Variants in CAMK1D observed in about 807,000 individuals in gnomAD.
The protein encoded by CAMK1D is calcium/calmodulin-dependent protein kinase type 1D.
In CAMK1D, 9 loss-of-function variants were observed where a neutral mutation model predicts 47.7. The observed-to-expected ratio is 0.19, with a 90% CI of 0.11 to 0.33. The LOEUF (loss-of-function observed/expected upper bound fraction) is 0.33, where lower values mean the gene tolerates loss of function less well. Among genes scored for constraint, CAMK1D ranks in the 10% least tolerant of loss-of-function variants. The probability of loss-of-function intolerance (pLI) is 1.00; values close to 1 mark genes in which losing one functional copy is unlikely to be tolerated. For missense variants in CAMK1D, 291 were observed against 488.7 expected, an observed-to-expected ratio of 0.60 and a Z score of 3.81; for synonymous variants, 184 against 184.9, an observed-to-expected ratio of 0.99 and a Z score of 0.04.
At chr10:12,693,805 C>G (rs1192221854) in intron 3 of CAMK1D, among the ~76,000 whole-genome samples, 3 of 145,786 alleles carry the variant, frequency 2.1e-5, no homozygotes. Flanking sequence ...TTCACTTGAG[C>G]TCAGGAATTG....
At chr10:12,659,775 A>T (rs758405485) in intron 2 of CAMK1D, among the ~76,000 whole-genome samples, 1 of 152,218 alleles carries the variant, frequency 6.6e-6, no homozygotes, top group Non-Finnish European at 1.5e-5. Flanking sequence ...TTTTGTGTGA[A>T]TAAAATTTCA....
chr10:12,708,937 G>A lies in CAMK1D; in HGVS notation c.299+42127G>A, dbSNP rs1035185670. On this transcript the variant is annotated intron_variant, in intron 3 of 10. Transcript: ENST00000619168. Reference sequence around the variant, plus strand: ...TTGAAGTCAGTGAGCCACCACGCCCGACCCGGAGTTGCATCTCTTAACGGC... The same window carrying A: ...TTGAAGTCAGTGAGCCACCACGCCCAACCCGGAGTTGCATCTCTTAACGGC... Among the ~76,000 whole-genome samples the A allele has an allele frequency of 3.3e-5, 5 of 152,202 alleles. No individual in the cohort carries two copies. The South Asian group carries it at 8.3e-4, about 25-fold the overall frequency.
At chr10:12,736,570 A>G (rs1470963537) in intron 3 of CAMK1D, among the ~76,000 whole-genome samples, 6 of 152,212 alleles carry the variant, frequency 3.9e-5, no homozygotes, top group Admixed American at 2.6e-4. Flanking sequence ...AAATATTTCA[A>G]TACAAAACCC....
chr10:12,596,393 T>A (rs975600372), intron 2 of CAMK1D, among the ~76,000 whole-genome samples: 8 of 152,084 alleles, frequency 5.3e-5, no homozygotes, highest in African/African-American at 1.9e-4. Context: ...TGTGATCTGG[T>A]GGGAGGTCCC....
At chr10:12,655,922 CAA>C (rs1206132804) in intron 2 of CAMK1D, among the ~76,000 whole-genome samples, 1 of 152,240 alleles carries the variant, frequency 6.6e-6, no homozygotes, top group African/African-American at 2.4e-5. Flanking sequence ...TTCTGTGTAG[CAA>C]AGACTATTCC....
chr10:12,823,142 C>T (rs1037473517), intron 8 of CAMK1D, among the ~76,000 whole-genome samples: 1 of 152,136 alleles, frequency 6.6e-6, no homozygotes, highest in Non-Finnish European at 1.5e-5. Context: ...ATGCCTGAGC[C>T]GTGTTCCTTT....
intron 1 of CAMK1D, among the ~76,000 whole-genome samples, chr10:12,438,936 T>C (rs192918617): frequency 4.4e-4 from 67 of 152,368 alleles, no homozygotes; most frequent in Middle Eastern, 6.8e-3. Context: ...AAGAAAGACT[T>C]AATATTTCTA....
Position 12,743,355 on chromosome 10 carries a change from A to AAAAAAAAAAAAAAAAAAG in CAMK1D, c.300-17589_300-17588insAAAAAAAAAAAAAGAAAA, listed in dbSNP as rs1461631779. 4.1e-4 allele frequency among the ~76,000 whole-genome samples: 48 copies of AAAAAAAAAAAAAAAAAAG among 118,186 alleles called. 1 individual carries two copies. The highest frequency in any genetic ancestry group is 1.1e-3 in the African/African-American group (39 of 35,330). The allele number at this position is 118,186 out of a possible 152,430, so 77.5% of individuals were successfully genotyped here. ...GGGTAAGACCCTGTCTCAAAAAAAA[A>AAAAAAAAAAAAAAAAAAG]AAAAGAAAAAAGAAAAAAAGAAAAA... On this transcript the variant is annotated intron_variant, in intron 3 of 10. Transcript: ENST00000619168.
intron 5 of CAMK1D, 25 bp from the exon 6 acceptor site, chr10:12,791,133 G>A (rs1837961245): frequency 6.2e-7 from 1 of 1,611,838 alleles, no homozygotes; most frequent in Non-Finnish European, 8.5e-7. Flanking sequence ...TTGTCAGGCT[G>A]TGTCTTTTCT....
At chr10:12,546,304 C>T (rs1190950385) in intron 1 of CAMK1D, among the ~76,000 whole-genome samples, 15 of 151,922 alleles carry the variant, frequency 9.9e-5, no homozygotes, top group Non-Finnish European at 1.8e-4. Flanking sequence ...GATGGAGGAG[C>T]GGGCGGGCAT....
intron 1 of CAMK1D, among the ~76,000 whole-genome samples, chr10:12,480,434 CAAAAACAAAAAACA>C (rs1199234675): frequency 1.4e-5 from 2 of 146,532 alleles, no homozygotes; most frequent in African/African-American, 5.0e-5. Context: ...GACTCCATCT[CAAAAACAAAAAACA>C]AAAAACAAAA....
intron 1 of CAMK1D, among the ~76,000 whole-genome samples, chr10:12,364,617 TA>T (rs11299137): frequency 0.29 from 43,730 of 148,644 alleles, 6,831 homozygotes; most frequent in African/African-American, 0.38. Context: ...TGACTGATGT[TA>T]AAAAAAAAAG....
At chr10:12,570,284 C>A (rs1461880840) in intron 2 of CAMK1D, among the ~76,000 whole-genome samples, 2 of 152,098 alleles carry the variant, frequency 1.3e-5, no homozygotes, top group Non-Finnish European at 2.9e-5. Context: ...AATCCAAGAG[C>A]GCTTAAACCT....
chr10:12,445,387 G>A (rs1435869121), intron 1 of CAMK1D, among the ~76,000 whole-genome samples: 2 of 152,250 alleles, frequency 1.3e-5, no homozygotes, highest in Non-Finnish European at 2.9e-5. Context: ...CTTGGAGAAT[G>A]AGTAGAATTT....
chr10:12,827,361 T>C (rs58148102), intron 10 of CAMK1D, among the ~76,000 whole-genome samples: 54 of 52,790 alleles, frequency 1.0e-3, no homozygotes, highest in African/African-American at 2.4e-3. Context: ...TTCCTTTCTT[T>C]CTTTCTCTTT....
intron 2 of CAMK1D, among the ~76,000 whole-genome samples, chr10:12,646,616 T>C (rs1431100609): frequency 1.3e-5 from 2 of 152,110 alleles, no homozygotes; most frequent in Non-Finnish European, 2.9e-5. Flanking sequence ...ACCCCTCCCC[T>C]AGGGTTTCCA....
At chr10:12,649,477 A>C (rs544380701) in intron 2 of CAMK1D, among the ~76,000 whole-genome samples, 1 of 152,298 alleles carries the variant, frequency 6.6e-6, no homozygotes, top group South Asian at 2.1e-4. Context: ...TTCTGCATTC[A>C]AGGTGTTTGT....
chr10:12,521,805 G>A (rs1835423800), intron 1 of CAMK1D, among the ~76,000 whole-genome samples: 1 of 152,178 alleles, frequency 6.6e-6, no homozygotes, highest in East Asian at 1.9e-4. Context: ...ACTTCTTTGT[G>A]GTGAATTTAT....
At chr10:12,455,195 A>T (rs1038712899) in intron 1 of CAMK1D, among the ~76,000 whole-genome samples, 1 of 152,206 alleles carries the variant, frequency 6.6e-6, no homozygotes, top group East Asian at 1.9e-4. Flanking sequence ...ATAAGGATAG[A>T]GGGTCTTGCT....
Sources: gnomAD v4.1 joint callset for allele counts (sites outside exome capture counted in the v4.1 genomes callset) on GRCh38, gnomAD v4.1.1 for gene constraint, MANE v1.5 for transcripts, NCBI Gene and HGNC (gene_info 2026-07-23, HGNC 2026-07-21) for gene names.